MYH9: variants seen among roughly 807,000 people sequenced by gnomAD.
MYH9 encodes myosin heavy chain 9.
Under a neutral mutation model 241.9 loss-of-function variants are expected in MYH9, and 29 were observed. The ratio of observed to expected loss-of-function variants is 0.12; its 90% CI spans 0.09 to 0.16. The LOEUF is 0.16. Ranked by LOEUF, MYH9 falls within the 10% of genes least tolerant of loss-of-function variation. The probability of loss-of-function intolerance (pLI) is 1.00; values close to 1 mark genes in which losing one functional copy is unlikely to be tolerated. For synonymous variants in MYH9, 1,047 were observed against 1,062.6 expected, an observed-to-expected ratio of 0.99 and a Z score of 0.29; for missense variants, 1,803 against 2,595.5, an observed-to-expected ratio of 0.69 and a Z score of 6.63.
intron 2 of MYH9, among the ~76,000 whole-genome samples, chr22:36,342,441 G>A (rs2146385651): frequency 6.6e-6 from 1 of 152,234 alleles, no homozygotes; most frequent in South Asian, 2.1e-4. Context: ...GAGGAGCTCT[G>A]GGTAGGCGAG....
chr22:36,353,134 T>TC (rs2017799151), intron 1 of MYH9, among the ~76,000 whole-genome samples: 1 of 149,764 alleles, frequency 6.7e-6, no homozygotes, highest in South Asian at 2.1e-4. Flanking sequence ...TGTGTGTGTA[T>TC]AAGTGTGTTC....
chr22:36,282,693 C>T lies in MYH9; in HGVS notation c.5858G>A (p.Gly1953Glu). 6.2e-7 allele frequency: 1 copy of T among 1,614,052 alleles called. No homozygotes were observed. The highest frequency in any genetic ancestry group is 8.5e-7 in the Non-Finnish European group (1 of 1,180,032). The change falls in exon 41 of 41, where the codon GGG (glycine) becomes GAG (glutamate). Residue 1953 changes from glycine (G) to glutamate (E), a missense_variant. Gly to Glu is a moderately conservative substitution (Grantham distance 98). Transcript: ENST00000216181. ...SDEEVDGKADGAEAKPAE is the reference protein window; with the variant it reads ...SDEEVDGKADEAEAKPAE Reference sequence around the variant, plus strand: ...TTATTCGGCAGGTTTGGCCTCAGCCCCATCCGCTTTGCCATCTACCTCTTC... The same window carrying T: ...TTATTCGGCAGGTTTGGCCTCAGCCTCATCCGCTTTGCCATCTACCTCTTC...
At chr22:36,386,515 A>T (rs1183774861) in intron 1 of MYH9, among the ~76,000 whole-genome samples, 1 of 152,222 alleles carries the variant, frequency 6.6e-6, no homozygotes, top group African/African-American at 2.4e-5. Context: ...GAAGGAGCTA[A>T]GGCTCTCTTC....
chr22:36,308,513 A>G (rs1415937485), intron 15 of MYH9, among the ~76,000 whole-genome samples: 1 of 151,790 alleles, frequency 6.6e-6, no homozygotes, highest in Non-Finnish European at 1.5e-5. Flanking sequence ...GCCTCAAGCA[A>G]TCCTCCCGCC....
chr22:36,319,601 G>A lies in MYH9; in HGVS notation c.1047C>T (p.Leu349=), dbSNP rs1469090940. The change falls in exon 10 of 41, where the codon CTC becomes CTT. Residue 349 remains leucine (L), a synonymous_variant. Coordinates refer to ENST00000216181, the MANE Select transcript of MYH9 (RefSeq NM_002473.6). The stretch of plus-strand genomic sequence containing the variant: ...GCTCCTTCTTGAAGACGATGTTGCC[G>A]AGCTGAAGAACCCCTGAGATGACCC... ...LLRVISGVLQ[L]GNIVFKKERN... The A allele has an allele frequency of 8.7e-6, 14 of 1,613,984 alleles. No individual in the cohort carries two copies. Among genetic ancestry groups the A allele is most frequent in the African/African-American group, 5.3e-5 (4 of 74,890 alleles).
At chr22:36,323,799 A>C (rs772384683) in intron 5 of MYH9, among the ~76,000 whole-genome samples, 2 of 152,136 alleles carry the variant, frequency 1.3e-5, no homozygotes, top group Non-Finnish European at 2.9e-5. Context: ...AACCATCCAG[A>C]CAAGTGAGGG....
At chr22:36,337,517 C>G (rs1291791433) in intron 3 of MYH9, among the ~76,000 whole-genome samples, 3 of 152,196 alleles carry the variant, frequency 2.0e-5, no homozygotes, top group Admixed American at 1.3e-4. Flanking sequence ...AGATGGAGGT[C>G]CCCAGGAAGG....
At chr22:36,350,521 G>C (rs746118049) in intron 1 of MYH9, among the ~76,000 whole-genome samples, 1 of 152,220 alleles carries the variant, frequency 6.6e-6, no homozygotes, top group East Asian at 1.9e-4. Flanking sequence ...TGGGCAACAA[G>C]AGCAAAACTC....
At chr22:36,311,413 T>A (rs1049699948) in intron 14 of MYH9, among the ~76,000 whole-genome samples, 1 of 152,048 alleles carries the variant, frequency 6.6e-6, no homozygotes, top group African/African-American at 2.4e-5. Context: ...TGGAGACATT[T>A]TGGGTTGTCA....
intron 1 of MYH9, among the ~76,000 whole-genome samples, chr22:36,354,964 C>CACACACACACACACACAT (rs1391435118): frequency 1.4e-5 from 2 of 146,656 alleles, no homozygotes; most frequent in African/African-American, 5.0e-5. Flanking sequence ...AAAACACACA[C>CACACACACACACACACAT]ACACACACAC....
chr22:36,345,154 T>C (rs2017657083), intron 2 of MYH9, among the ~76,000 whole-genome samples: 1 of 151,572 alleles, frequency 6.6e-6, no homozygotes, highest in South Asian at 2.1e-4. Flanking sequence ...CCACTAAAAA[T>C]ACAAAAAATT....
chr22:36,366,442 C>A (rs555048457), intron 1 of MYH9, among the ~76,000 whole-genome samples: 1 of 152,072 alleles, frequency 6.6e-6, no homozygotes. Flanking sequence ...TGTAGCAACC[C>A]AATCACCTGA....
chr22:36,327,541 A>C, intron 3 of MYH9, 53 bp from the exon 4 acceptor site: 4 of 1,608,914 alleles, frequency 2.5e-6, no homozygotes, highest in Non-Finnish European at 3.4e-6. Flanking sequence ...AAGCCTCCCC[A>C]CCTTGCTCCC....
chr22:36,344,732 G>C lies in MYH9; in HGVS notation c.334-3206C>G, dbSNP rs111727179. ...CGCCCACCCACAGTAAAACCTCTGCGTGTGGCTTGCAATGGAAAGACGCAG... is the reference window on the plus strand; with the variant it reads ...CGCCCACCCACAGTAAAACCTCTGCCTGTGGCTTGCAATGGAAAGACGCAG... On this transcript the variant is annotated intron_variant, in intron 2 of 40. Coordinates refer to ENST00000216181, the MANE Select transcript of MYH9 (RefSeq NM_002473.6). 8.1e-3 allele frequency among the ~76,000 whole-genome samples: 1,228 copies of C among 152,306 alleles called. 14 individuals are homozygous for C. The highest frequency in any genetic ancestry group is 0.028 in the African/African-American group (1,175 of 41,580).
intron 2 of MYH9, 52 bp downstream of exon 2, chr22:36,348,852 C>CCCCCCCCCCCCCCCCCCCCCCCG: frequency 8.4e-7 from 1 of 1,194,928 alleles, no homozygotes; most frequent in Non-Finnish European, 1.2e-6. Flanking sequence ...CCCCCCCCCC[C>CCCCCCCCCCCCCCCCCCCCCCCG]CACCTCGGAG....
At position 36,293,667 on chromosome 22, in the gene MYH9, G is replaced by A; in HGVS notation, c.3942+92C>T. On this transcript the variant is annotated intron_variant, in intron 29 of 40. Coordinates refer to ENST00000216181, the MANE Select transcript of MYH9 (RefSeq NM_002473.6). This position sits in a 1 kb window ranked among gnomAD's most constrained non-coding sequence, Gnocchi z 5.1. The stretch of plus-strand genomic sequence containing the variant: ...GGATGAAGCAGATGAAGGAGAGGAT[G>A]GGCAATCCGATGGGCTCTGAAGCTA... 7.4e-7 allele frequency: 1 copy of A among 1,350,670 alleles called. No individual in the cohort carries two copies. Among genetic ancestry groups the A allele is most frequent in the Non-Finnish European group, 1.0e-6 (1 of 957,692 alleles). 83.7% of individuals were successfully genotyped at this position (1,350,670 alleles called of 1,614,324 possible). A position where few individuals can be genotyped will look rare whatever the true frequency, so the allele number is the denominator to read the frequency against.
intron 3 of MYH9, among the ~76,000 whole-genome samples, chr22:36,332,655 G>A (rs2017440644): frequency 1.4e-5 from 1 of 70,282 alleles, no homozygotes; most frequent in South Asian, 4.7e-4. Context: ...AGACACTCTG[G>A]ATAATTAAAA....
intron 6 of MYH9, 101 bp from the exon 7 acceptor site, chr22:36,321,922 C>G: frequency 9.3e-7 from 1 of 1,076,250 alleles, no homozygotes; most frequent in Admixed American, 1.7e-5. Context: ...CCGGTGGGCA[C>G]AGCTTGGAGG....
chr22:36,360,913 C>CCT (rs1162243968), intron 1 of MYH9, among the ~76,000 whole-genome samples: 1 of 152,164 alleles, frequency 6.6e-6, no homozygotes, highest in Admixed American at 6.5e-5. Context: ...ACCACCCAGG[C>CCT]CTCGGCTTTC....
Sources: gnomAD v4.1 joint callset for allele counts (sites outside exome capture counted in the v4.1 genomes callset) on GRCh38, gnomAD v4.1.1 for gene constraint, Gnocchi (gnomAD v3.1) non-coding constraint, MANE v1.5 for transcripts, NCBI Gene and HGNC (gene_info 2026-07-23, HGNC 2026-07-21) for gene names.